IL18BP: variants seen among roughly 807,000 people sequenced by gnomAD.
The protein encoded by IL18BP is interleukin-18-binding protein.
A neutral mutation model predicts 19.9 loss-of-function variants in IL18BP; 23 were observed. The observed-to-expected ratio is 1.15, with a 90% confidence interval of 0.83 to 1.64. The LOEUF is 1.64. IL18BP is among the 40% of genes most tolerant of loss of function. The pLI, the probability that IL18BP is intolerant of heterozygous loss-of-function variation, is 0.00. For missense variants in IL18BP, 239 were observed against 240.7 expected (o/e 0.99, Z 0.05); for synonymous variants, 107 against 101.0 (o/e 1.06, Z -0.35).
chr11:72,004,937 G>A (rs566032099), downstream of IL18BP: 11 of 1,022,570 alleles, frequency 1.1e-5, no homozygotes, highest in Middle Eastern at 3.1e-4. Flanking sequence ...CCTGCCTCAC[G>A]AGGTAGAAAG....
At chr11:72,004,080 A>T (rs765635913), downstream of IL18BP, 2 of 1,612,976 alleles carry the variant, frequency 1.2e-6, no homozygotes, top group Non-Finnish European at 1.7e-6. Flanking sequence ...GCTGAAGGCC[A>T]TCGACTGGCG....
rs1240169527 is a variant in IL18BP, at chr11:72,000,406, C to G, written c.84C>G (p.Val28=). The change falls in exon 3 of 6, where the codon GTC becomes GTG. Residue 28 remains valine, a synonymous_variant. Coordinates refer to ENST00000393703, the MANE Select transcript of IL18BP (RefSeq NM_001039660.2). ...GTGCCCACGTCGTCACTCTCCTGGT[C>G]AGAGCCACACCTGTCTCGCAGACCA... The part of the protein sequence containing the change: ...LLCAHVVTLL[V]RATPVSQTTT... 1.9e-6 allele frequency: 3 copies of G among 1,613,992 alleles called. No homozygotes were observed. Among genetic ancestry groups the G allele is most frequent in the African/African-American group, 2.7e-5 (2 of 74,918 alleles).
Position 72,001,236 on chromosome 11 carries a change from C to T in IL18BP, c.271C>T (p.Arg91Cys), listed in dbSNP as rs779893942. The T allele has an allele frequency of 4.2e-5, 68 of 1,614,064 alleles. No homozygotes were observed. Among genetic ancestry groups the T allele is most frequent in the Middle Eastern group, 1.6e-4 (1 of 6,084 alleles). Residue 91 changes from arginine (R) to cysteine (C), a missense_variant, in exon 4 of 6, where the codon CGC becomes TGC. Arg to Cys is a radical substitution (Grantham distance 180). Coordinates refer to ENST00000393703, the MANE Select transcript of IL18BP (RefSeq NM_001039660.2). ...GAGCTTATCCTGTGTGGCCTGCAGC[C>T]GCTTCCCCAACTTCAGCATCCTCTA... is the stretch of plus-strand genomic sequence containing the variant. ...TLSLSCVACS[R>C]FPNFSILYWL...
In IL18BP at chr11:72,002,223, C is replaced by A. The variant is rs566481289; in HGVS notation, c.*362C>A. 6 of 290,978 alleles carry A rather than the reference C, an allele frequency of 2.1e-5. No homozygotes were observed. The East Asian group carries it at 3.9e-4, about 19-fold the overall frequency. 18.0% of individuals were successfully genotyped at this position (290,978 alleles called of 1,614,324 possible). A position where few individuals can be genotyped will look rare whatever the true frequency, so the allele number is the denominator to read the frequency against. ...CCCACATGACTTTCTGGAAGCCTCCCAACTATTCTTGCTTTTCCCAGACAG... is the reference window on the plus strand; with the variant it reads ...CCCACATGACTTTCTGGAAGCCTCCAAACTATTCTTGCTTTTCCCAGACAG... On this transcript the variant is annotated 3_prime_UTR_variant, in exon 6 of 6. Transcript: ENST00000393703.
chr11:72,005,955 A>T, downstream of IL18BP: 1 of 1,235,800 alleles, frequency 8.1e-7, no homozygotes, highest in South Asian at 1.4e-5. Context: ...GATTTTTAAA[A>T]AGCTTTCCTC....
downstream of IL18BP, chr11:72,007,493 G>T: frequency 6.3e-7 from 1 of 1,590,588 alleles, no homozygotes; most frequent in Non-Finnish European, 8.5e-7. Flanking sequence ...ATTTTGTCCA[G>T]CCCTTTTTGA....
rs770952779 is a variant in IL18BP at position 72,001,273 on chromosome 11, A to G, written c.308A>G (p.Asn103Ser). 3.1e-6 allele frequency: 5 copies of G among 1,614,090 alleles called. No homozygotes were observed. In the African/African-American group the frequency reaches 4.0e-5, roughly 13 times the overall value. The change falls in exon 4 of 6, where the codon AAT (asparagine) becomes AGT (serine). Residue 103 changes from asparagine (N) to serine (S), a missense_variant. Asn to Ser is a conservative substitution (Grantham distance 46). Coordinates refer to ENST00000393703, the MANE Select transcript of IL18BP (RefSeq NM_001039660.2). ...TTCAGCATCCTCTACTGGCTGGGCA[A>G]TGGTTCCTTCATTGAGCACCTCCCA... ...PNFSILYWLG[N>S]GSFIEHLPGR...
In IL18BP at chr11:72,001,954, C is replaced by T; in HGVS notation, c.*93C>T. On this transcript the variant is annotated 3_prime_UTR_variant, in exon 6 of 6. Coordinates refer to ENST00000393703, the MANE Select transcript of IL18BP (RefSeq NM_001039660.2). The stretch of plus-strand genomic sequence containing the variant: ...TGAACAGTCCCTGACTGCCTGTAGG[C>T]TGCGTGGATGCGCAACACACCCCCT... 1 of 1,556,944 alleles carries T rather than the reference C, an allele frequency of 6.4e-7. No homozygotes were observed. The highest frequency in any genetic ancestry group is 2.4e-5 in the East Asian group (1 of 42,066).
downstream of IL18BP, chr11:72,005,162 G>T: frequency 6.8e-7 from 1 of 1,471,230 alleles, no homozygotes. Context: ...TAGTGCTCAG[G>T]CTAGATCAGC....
At position 71,999,282 on chromosome 11, in the gene IL18BP, A is replaced by G. The variant is rs185102044; in HGVS notation, c.-59+263A>G. ...AGTGTGAAGGTGAAGGAGGAAGCAG[A>G]TGCCTGTTCATATGGAAACAAAGAC... is the stretch of plus-strand genomic sequence containing the variant. On this transcript the variant is annotated intron_variant, in intron 1 of 5. Coordinates refer to ENST00000393703, the MANE Select transcript of IL18BP (RefSeq NM_001039660.2). The G allele has an allele frequency of 1.0e-4, 42 of 407,100 alleles. No individual in the cohort carries two copies. In the East Asian group the frequency reaches 2.2e-3, roughly 22 times the overall value. 25.2% of individuals were successfully genotyped at this position (407,100 alleles called of 1,614,324 possible). A position where few individuals can be genotyped will look rare whatever the true frequency, so the allele number is the denominator to read the frequency against.
chr11:72,000,579 G>A lies in IL18BP; in HGVS notation c.235+22G>A, dbSNP rs762527386. On this transcript the variant is annotated intron_variant, in intron 3 of 5. Coordinates refer to ENST00000393703, the MANE Select transcript of IL18BP (RefSeq NM_001039660.2). ...CTGAGTAAGAAGCACAGTGGTGGAG[G>A]GTGGGCTATGGGCACAGAGGTTCCC... 1.3e-5 allele frequency: 21 copies of A among 1,596,810 alleles called. No individual in the cohort carries two copies. The South Asian group carries it at 1.9e-4, about 14-fold the overall frequency.
At chr11:72,004,917 CG>C (rs1203956364), downstream of IL18BP, 1 of 1,194,480 alleles carries the variant, frequency 8.4e-7, no homozygotes, top group Non-Finnish European at 1.1e-6. Context: ...CACTTATGGT[CG>C]GGACCCTTCC....
rs1463130616 is a variant in IL18BP, at chr11:72,001,255, T to A, written c.290T>A (p.Ile97Asn). 2 of 1,614,062 alleles carry A rather than the reference T, an allele frequency of 1.2e-6. No individual in the cohort carries two copies. The highest frequency in any genetic ancestry group is 3.3e-5 in the Admixed American group (2 of 60,004). Reference sequence around the variant, plus strand: ...TGCAGCCGCTTCCCCAACTTCAGCATCCTCTACTGGCTGGGCAATGGTTCC... The same window carrying A: ...TGCAGCCGCTTCCCCAACTTCAGCAACCTCTACTGGCTGGGCAATGGTTCC... ...VACSRFPNFS[I>N]LYWLGNGSFI... is the part of the protein sequence containing the mutation. Residue 97 changes from isoleucine (I) to asparagine (N), a missense_variant, in exon 4 of 6, where the codon ATC becomes AAC. Coordinates refer to ENST00000393703, the MANE Select transcript of IL18BP (RefSeq NM_001039660.2).
Position 72,001,923 on chromosome 11 carries a change from C to G in IL18BP, c.*62C>G. 1 of 1,607,814 alleles carries G rather than the reference C, an allele frequency of 6.2e-7. No homozygotes were observed. The highest frequency in any genetic ancestry group is 1.3e-5 in the African/African-American group (1 of 74,840). On this transcript the variant is annotated 3_prime_UTR_variant, in exon 6 of 6. Coordinates refer to ENST00000393703, the MANE Select transcript of IL18BP (RefSeq NM_001039660.2). ...CAGAGCTTGGGTCCTACCTGTCTAC[C>G]TGGAGTGAACAGTCCCTGACTGCCT...
chr11:72,003,721 T>C, downstream of IL18BP: 1 of 972,562 alleles, frequency 1.0e-6, no homozygotes, highest in East Asian at 2.6e-5. Flanking sequence ...AATGGGGCCA[T>C]CTGTCTTCTC....
Position 71,999,975 on chromosome 11 carries a change from C to A in IL18BP, c.-10C>A. ...AAGAGCCAGGCTCACCAGCTCCTGA[C>A]GCATGCATCATGACCATGAGACACA... On this transcript the variant is annotated 5_prime_UTR_variant, in exon 2 of 6. Transcript: ENST00000393703. 1 of 1,613,808 alleles carries A rather than the reference C, an allele frequency of 6.2e-7. No individual in the cohort carries two copies. The highest frequency in any genetic ancestry group is 8.5e-7 in the Non-Finnish European group (1 of 1,179,766).
chr11:72,003,647 C>T (rs984854396), downstream of IL18BP: 2 of 1,419,850 alleles, frequency 1.4e-6, no homozygotes, highest in Non-Finnish European at 9.9e-7. Flanking sequence ...GATCCCCTCC[C>T]TTGTGAGCCC....
At chr11:72,005,123 C>G (rs779993737), downstream of IL18BP, 5 of 1,276,208 alleles carry the variant, frequency 3.9e-6, no homozygotes, top group Middle Eastern at 2.8e-4. Context: ...CACCCTCCCC[C>G]TCCTCGGCCA....
At position 72,002,089 on chromosome 11, in the gene IL18BP, C is replaced by G. The variant is rs1388595919; in HGVS notation, c.*228C>G. 4.7e-6 allele frequency: 3 copies of G among 635,318 alleles called. No individual in the cohort carries two copies. In the Admixed American group the frequency reaches 8.7e-5, roughly 18 times the overall value. 39.4% of individuals were successfully genotyped at this position (635,318 alleles called of 1,614,324 possible). A position where few individuals can be genotyped will look rare whatever the true frequency, so the allele number is the denominator to read the frequency against. ...TCCTCCTCCTGCCATTCTCTCTCCA[C>G]CTATCCATTAGCCTTCCTAACGTCC... On this transcript the variant is annotated 3_prime_UTR_variant, in exon 6 of 6. Coordinates refer to ENST00000393703, the MANE Select transcript of IL18BP (RefSeq NM_001039660.2).
Sources: allele counts gnomAD v4.1 joint callset, GRCh38; gene constraint gnomAD v4.1.1; transcripts MANE v1.5; gene names NCBI Gene and HGNC (gene_info 2026-07-23, HGNC 2026-07-21).